Variants in RETREG1 observed in about 807,000 individuals in gnomAD.
RETREG1 encodes the protein reticulophagy regulator 1, also known as family with sequence similarity 134 member B.
RETREG1 carries 44 observed loss-of-function variants against 54.8 expected under a neutral mutation model. The observed-to-expected ratio is 0.80, with a 90% CI of 0.63 to 1.03. RETREG1 has a LOEUF of 1.03. Among genes scored for constraint, RETREG1 ranks in the 50% least tolerant of loss-of-function variants. The pLI is 0.00. For missense variants in RETREG1, 554 were observed against 605.1 expected (o/e 0.92, Z 0.89); for synonymous variants, 217 against 238.5 (o/e 0.91, Z 0.83).
At chr5:16,590,400 A>T (rs750022589) in intron 1 of RETREG1, among the ~76,000 whole-genome samples, 5 of 152,254 alleles carry the variant, frequency 3.3e-5, no homozygotes, top group Non-Finnish European at 5.9e-5. Context: ...GCTGCAGGTC[A>T]GGCTTCCTTC....
Position 16,478,116 on chromosome 5 carries a change from T to G in RETREG1, c.809-18A>C, listed in dbSNP as rs1181081923. 1.9e-6 allele frequency: 3 copies of G among 1,594,924 alleles called. No homozygotes were observed. In the Admixed American group the frequency reaches 5.0e-5, roughly 27 times the overall value. ...GTCTGCTTCTGTTGAGGAAAAAATTTGGAAGCTTTCAGTTTCCTAGCCAAC... is the reference window on the plus strand; with the variant it reads ...GTCTGCTTCTGTTGAGGAAAAAATTGGGAAGCTTTCAGTTTCCTAGCCAAC... On this transcript the variant is annotated intron_variant, in intron 6 of 8. Transcript: ENST00000306320.
chr5:16,595,446 C>G (rs1742874867), intron 1 of RETREG1, among the ~76,000 whole-genome samples: 1 of 152,100 alleles, frequency 6.6e-6, no homozygotes, highest in South Asian at 2.1e-4. Flanking sequence ...ATTAAAGTGA[C>G]CATGTCCATT....
chr5:16,573,236 AC>A (rs1183476735), intron 1 of RETREG1, among the ~76,000 whole-genome samples: 3 of 149,840 alleles, frequency 2.0e-5, no homozygotes, highest in Non-Finnish European at 4.4e-5. Flanking sequence ...CACTTTGCTA[AC>A]TCTTTCGCTT....
intron 1 of RETREG1, among the ~76,000 whole-genome samples, chr5:16,575,716 G>A (rs1275762452): frequency 2.6e-5 from 4 of 152,132 alleles, no homozygotes; most frequent in Non-Finnish European, 5.9e-5. Flanking sequence ...GAGAATCCTC[G>A]GTCCACTGAG....
chr5:16,601,643 G>A (rs758093043), intron 1 of RETREG1, among the ~76,000 whole-genome samples: 9 of 152,170 alleles, frequency 5.9e-5, no homozygotes, highest in South Asian at 2.1e-4. Context: ...TGATCCACCC[G>A]CCTCAGCCTC....
chr5:16,571,335 T>C (rs545692971), intron 2 of RETREG1, among the ~76,000 whole-genome samples: 1 of 152,164 alleles, frequency 6.6e-6, no homozygotes, highest in Non-Finnish European at 1.5e-5. Flanking sequence ...TCTGATAAAA[T>C]CTATCTCATT....
At chr5:16,573,172 TTC>T (rs1177984603) in intron 1 of RETREG1, among the ~76,000 whole-genome samples, 2 of 116,296 alleles carry the variant, frequency 1.7e-5, no homozygotes, top group Non-Finnish European at 1.7e-5. Context: ...GAGAGTGAGA[TTC>T]TGTCTCAAAA....
At chr5:16,590,266 A>C (rs1488025431) in intron 1 of RETREG1, among the ~76,000 whole-genome samples, 1 of 152,090 alleles carries the variant, frequency 6.6e-6, no homozygotes, top group Non-Finnish European at 1.5e-5. Flanking sequence ...TGGTGCCCAC[A>C]CCGATGGAGA....
intron 1 of RETREG1, among the ~76,000 whole-genome samples, chr5:16,602,548 ACT>A (rs995171131): frequency 2.2e-4 from 33 of 151,974 alleles, no homozygotes; most frequent in African/African-American, 7.7e-4. Flanking sequence ...TAAACATGAC[ACT>A]CTACTTAGCT....
chr5:16,607,261 C>A (rs929792513), intron 1 of RETREG1, among the ~76,000 whole-genome samples: 1 of 152,026 alleles, frequency 6.6e-6, no homozygotes. Context: ...TCTGGGAGAA[C>A]AGGGATCTCA....
Position 16,616,812 on chromosome 5 carries a change from C to T in RETREG1, c.160G>A (p.Gly54Arg), listed in dbSNP as rs1743528602. The change falls in exon 1 of 9, where the codon GGG (glycine) becomes AGG (arginine). Residue 54 changes from glycine to arginine, a missense_variant. Physicochemically the swap from Gly to Arg is moderately radical, Grantham distance 125. This residue lies in a region of RETREG1 where 175 missense variants were observed against 142.1 expected (regional missense o/e 1.23). Coordinates refer to ENST00000306320, the MANE Select transcript of RETREG1 (RefSeq NM_001034850.3). ...CCCGCGGCCTCCTCCACCTGCAACC[C>T]CGCGCCCTCCGCCGCCCCAGCTTCC... The part of the protein sequence containing the change: ...AQEAGAAEGA[G>R]LQVEEAAGRA... 4 of 1,518,674 alleles carry T rather than the reference C, an allele frequency of 2.6e-6. No individual in the cohort carries two copies. The highest frequency in any genetic ancestry group is 1.8e-6 in the Non-Finnish European group (2 of 1,140,502). 94.1% of individuals were successfully genotyped at this position (1,518,674 alleles called of 1,614,324 possible).
chr5:16,530,992 G>T (rs1388488552), intron 3 of RETREG1, among the ~76,000 whole-genome samples: 3 of 152,182 alleles, frequency 2.0e-5, no homozygotes, highest in African/African-American at 7.2e-5. Context: ...AATGAAAAAG[G>T]GGAGAATAAG....
chr5:16,596,877 G>A (rs1742912829), intron 1 of RETREG1, among the ~76,000 whole-genome samples: 1 of 152,170 alleles, frequency 6.6e-6, no homozygotes, highest in African/African-American at 2.4e-5. Flanking sequence ...GCAAGCAGAT[G>A]TTGGGCCTTG....
intron 3 of RETREG1, among the ~76,000 whole-genome samples, chr5:16,541,739 G>GGGAGGGAAGGTA (rs1379256353): frequency 9.8e-6 from 1 of 102,188 alleles, no homozygotes; most frequent in Admixed American, 1.1e-4. Flanking sequence ...GAGGGAGGGA[G>GGGAGGGAAGGTA]GGAAGGAAGG....
At chr5:16,562,394 G>A (rs1419392262) in intron 3 of RETREG1, among the ~76,000 whole-genome samples, 1 of 152,154 alleles carries the variant, frequency 6.6e-6, no homozygotes, top group African/African-American at 2.4e-5. Flanking sequence ...GGCAGGACTA[G>A]GACACAGGCT....
At chr5:16,511,102 A>G (rs1011680303) in intron 3 of RETREG1, among the ~76,000 whole-genome samples, 3 of 152,216 alleles carry the variant, frequency 2.0e-5, no homozygotes, top group Non-Finnish European at 2.9e-5. Context: ...AATATTTACC[A>G]TTACAGACAG....
chr5:16,527,800 A>ATGTTTTTTTTTTTT (rs1740761500), intron 3 of RETREG1, among the ~76,000 whole-genome samples: 1 of 66,250 alleles, frequency 1.5e-5, no homozygotes, highest in Non-Finnish European at 2.7e-5. Context: ...AGGGACTCTA[A>ATGTTTTTTTTTTTT]TTTTTTTTTT....
intron 3 of RETREG1, among the ~76,000 whole-genome samples, chr5:16,492,350 A>G (rs1280255039): frequency 2.0e-5 from 3 of 152,118 alleles, no homozygotes; most frequent in Non-Finnish European, 4.4e-5. Flanking sequence ...TACCTCCAGA[A>G]AGTATACATT....
At chr5:16,505,046 G>A (rs753826609) in intron 3 of RETREG1, among the ~76,000 whole-genome samples, 15 of 152,128 alleles carry the variant, frequency 9.9e-5, no homozygotes, top group Non-Finnish European at 2.1e-4. Flanking sequence ...GTGCAATTAC[G>A]AATGACGTTT....
Sources: allele counts gnomAD v4.1 joint callset (sites outside exome capture counted in the v4.1 genomes callset), GRCh38; gene constraint gnomAD v4.1.1; regional missense constraint gnomAD v4.1.1; transcripts MANE v1.5; gene names NCBI Gene and HGNC (gene_info 2026-07-23, HGNC 2026-07-21).